The following CNPY1 variants were observed in gnomAD, a reference collection of about 807,000 sequenced individuals.
CNPY1 encodes canopy FGF signaling regulator 1.
A neutral mutation model predicts 14.4 loss-of-function variants in CNPY1; 14 were observed. The ratio of observed to expected loss-of-function variants is 0.97; its 90% CI spans 0.64 to 1.52. The LOEUF is 1.52. CNPY1 is among the 40% of genes most tolerant of loss of function. The pLI is 0.00. For synonymous variants in CNPY1, 43 were observed against 46.5 expected (o/e 0.92, Z 0.31); for missense variants, 129 against 131.5 (o/e 0.98, Z 0.09).
At chr7:155,530,684 T>C (rs1420105545) in intron 2 of CNPY1, among the ~76,000 whole-genome samples, 1 of 152,168 alleles carries the variant, frequency 6.6e-6, no homozygotes, top group African/African-American at 2.4e-5. Flanking sequence ...CTCTAAACAT[T>C]GGCATGCTGC....
chr7:155,539,596 G>T (rs1797061050), intron 2 of CNPY1, among the ~76,000 whole-genome samples: 2 of 152,146 alleles, frequency 1.3e-5, no homozygotes, highest in Admixed American at 1.3e-4. Context: ...AATGGGATGG[G>T]GTAGCTCTGT....
intron 2 of CNPY1, among the ~76,000 whole-genome samples, chr7:155,509,648 G>T (rs543248710): frequency 6.6e-5 from 10 of 152,318 alleles, no homozygotes; most frequent in Admixed American, 6.5e-4. Flanking sequence ...CCTTGGCTGC[G>T]CGTCCCCCAC....
rs116445177 is a variant in CNPY1, at chr7:155,515,629, C to T, written c.100-6532G>A. ...TGCCTGGGGAGTCGACTGGGGGAAA[C>T]GAGGAGATTCGGGGATTTCTCGGAG... is the stretch of plus-strand genomic sequence containing the variant. On this transcript the variant is annotated intron_variant, in intron 2 of 4. Coordinates refer to ENST00000636446, the MANE Select transcript of CNPY1 (RefSeq NM_001393663.1). 9.7e-3 allele frequency among the ~76,000 whole-genome samples: 1,473 copies of T among 151,856 alleles called. 20 individuals carry two copies. The highest frequency in any genetic ancestry group is 0.033 in the African/African-American group (1,369 of 41,408).
At chr7:155,519,047 T>C (rs1796671059) in intron 2 of CNPY1, among the ~76,000 whole-genome samples, 1 of 152,218 alleles carries the variant, frequency 6.6e-6, no homozygotes, top group Admixed American at 6.5e-5. Context: ...ATACCAAGTT[T>C]TGAATAGGCT....
intron 2 of CNPY1, among the ~76,000 whole-genome samples, chr7:155,528,693 G>C (rs80207333): frequency 6.6e-6 from 1 of 152,152 alleles, no homozygotes; most frequent in Admixed American, 6.5e-5. Context: ...TTTGAAGCAC[G>C]GCCTTCTTGG....
intron 2 of CNPY1, among the ~76,000 whole-genome samples, chr7:155,534,367 G>GCACA (rs571726656): frequency 1.4e-5 from 2 of 147,760 alleles, no homozygotes; most frequent in African/African-American, 4.9e-5. Context: ...GTGCACACAG[G>GCACA]CACACACACG....
chr7:155,535,687 G>A (rs1182564059), intron 2 of CNPY1, among the ~76,000 whole-genome samples: 1 of 152,098 alleles, frequency 6.6e-6, no homozygotes, highest in Non-Finnish European at 1.5e-5. Context: ...GACACTCAGG[G>A]CCCATCCTAC....
At chr7:155,527,294 C>G (rs1018079306) in intron 2 of CNPY1, among the ~76,000 whole-genome samples, 2 of 151,688 alleles carry the variant, frequency 1.3e-5, no homozygotes, top group African/African-American at 4.8e-5. Context: ...ATAGCTGCTG[C>G]CTGGTGTCTG....
chr7:155,534,654 G>A (rs773187182), intron 2 of CNPY1, among the ~76,000 whole-genome samples: 1 of 152,188 alleles, frequency 6.6e-6, no homozygotes, highest in African/African-American at 2.4e-5. Flanking sequence ...TGGCAGGTCC[G>A]GGCAATTCAT....
intron 2 of CNPY1, among the ~76,000 whole-genome samples, chr7:155,538,102 C>T (rs1368881592): frequency 6.6e-6 from 1 of 152,200 alleles, no homozygotes; most frequent in East Asian, 1.9e-4. Flanking sequence ...AAATACCCTT[C>T]GGATTTTTTC....
chr7:155,529,029 C>G (rs1796887209), intron 2 of CNPY1, among the ~76,000 whole-genome samples: 4 of 151,160 alleles, frequency 2.6e-5, no homozygotes, highest in Non-Finnish European at 5.9e-5. Context: ...CCACTGCACT[C>G]CAGCCTGGGT....
intron 2 of CNPY1, among the ~76,000 whole-genome samples, chr7:155,524,000 C>T (rs1796773854): frequency 6.6e-6 from 1 of 152,132 alleles, no homozygotes; most frequent in African/African-American, 2.4e-5. Context: ...CTAGAAAAAG[C>T]CACAGACTAG....
intron 2 of CNPY1, 82 bp from the exon 3 acceptor site, chr7:155,509,179 G>A (rs1796437669): frequency 1.4e-6 from 1 of 729,162 alleles, no homozygotes; most frequent in Non-Finnish European, 2.2e-6. Context: ...ACATGGAAAC[G>A]CCACACTCTC....
intron 2 of CNPY1, among the ~76,000 whole-genome samples, chr7:155,537,870 T>A (rs1410877367): frequency 6.6e-6 from 1 of 152,242 alleles, no homozygotes; most frequent in African/African-American, 2.4e-5. Context: ...CAAAACTTTA[T>A]GTTTTAAATT....
Position 155,534,712 on chromosome 7 carries a change from C to T in CNPY1, c.99+11119G>A, listed in dbSNP as rs565853119. ...CTACTGCCCCCACAGCAGCAAGGGG[C>T]TGGCGTGGAGACTGGAACGTAATGG... On this transcript the variant is annotated intron_variant, in intron 2 of 4. Coordinates refer to ENST00000636446, the MANE Select transcript of CNPY1 (RefSeq NM_001393663.1). Among the ~76,000 whole-genome samples the T allele has an allele frequency of 6.0e-4, 91 of 152,342 alleles. 1 individual carries two copies. Among genetic ancestry groups the T allele is most frequent in the African/African-American group, 2.0e-3 (85 of 41,584 alleles).
At chr7:155,524,630 A>G (rs576503433) in intron 2 of CNPY1, among the ~76,000 whole-genome samples, 1 of 152,366 alleles carries the variant, frequency 6.6e-6, no homozygotes, top group Admixed American at 6.5e-5. Context: ...CCAAGATGGG[A>G]CCAACTAATT....
Position 155,501,163 on chromosome 7 carries a change from C to A in CNPY1, c.*1905G>T, listed in dbSNP as rs939672205. The A allele has an allele frequency of 6.6e-6, 1 of 152,076 alleles. No homozygotes were observed. The highest frequency in any genetic ancestry group is 2.4e-5 in the African/African-American group (1 of 41,408). 9.4% of individuals were successfully genotyped at this position (152,076 alleles called of 1,614,324 possible). On this transcript the variant is annotated 3_prime_UTR_variant, in exon 5 of 5. Coordinates refer to ENST00000636446, the MANE Select transcript of CNPY1 (RefSeq NM_001393663.1). The stretch of plus-strand genomic sequence containing the variant: ...TACAAGACTATTTTTAATGGGAAAT[C>A]CAAGAAAAAAACCTGAAATGCCATA...
At chr7:155,541,044 C>T (rs188104403) in intron 2 of CNPY1, among the ~76,000 whole-genome samples, 8 of 152,308 alleles carry the variant, frequency 5.3e-5, no homozygotes, top group African/African-American at 1.2e-4. Flanking sequence ...GCTGAACAGA[C>T]GAGGCTTTGT....
chr7:155,516,516 G>T (rs1585310783), intron 2 of CNPY1, among the ~76,000 whole-genome samples: 2 of 152,040 alleles, frequency 1.3e-5, no homozygotes, highest in Non-Finnish European at 2.9e-5. Flanking sequence ...GGAACTCTCA[G>T]ATGAGGAGGC....
Sources: allele counts gnomAD v4.1 joint callset (sites outside exome capture counted in the v4.1 genomes callset), GRCh38; gene constraint gnomAD v4.1.1; transcripts MANE v1.5; gene names NCBI Gene and HGNC (gene_info 2026-07-23, HGNC 2026-07-21).